CTNNA3: variants seen among roughly 807,000 people sequenced by gnomAD.
The protein encoded by CTNNA3 is catenin alpha-3.
In CTNNA3, 76 loss-of-function variants were observed where a neutral mutation model predicts 95.7. That is an observed-to-expected ratio of 0.79 (90% CI 0.66 to 0.96). The LOEUF is 0.96. Among genes scored for constraint, CTNNA3 ranks in the 40% least tolerant of loss-of-function variants. The pLI, the probability that CTNNA3 is intolerant of heterozygous loss-of-function variation, is 0.00. For synonymous variants in CTNNA3, 431 were observed against 374.4 expected, an observed-to-expected ratio of 1.15 and a Z score of -1.74; for missense variants, 1,191 against 1,089.8, an observed-to-expected ratio of 1.09 and a Z score of -1.31.
At chr10:66,474,600 T>C (rs1456545134) in intron 11 of CTNNA3, among the ~76,000 whole-genome samples, 1 of 152,076 alleles carries the variant, frequency 6.6e-6, no homozygotes, top group Non-Finnish European at 1.5e-5. Flanking sequence ...GCTGTATTTC[T>C]AATTTTTTGA....
chr10:67,685,251 C>T (rs934552293), intron 1 of CTNNA3, among the ~76,000 whole-genome samples: 13 of 152,104 alleles, frequency 8.5e-5, no homozygotes, highest in African/African-American at 1.2e-4. Flanking sequence ...TATTAATAAA[C>T]CCTCGTTCAG....
At chr10:67,675,724 A>C (rs1840522626) in intron 1 of CTNNA3, among the ~76,000 whole-genome samples, 1 of 152,172 alleles carries the variant, frequency 6.6e-6, no homozygotes, top group African/African-American at 2.4e-5. Flanking sequence ...ACACATGGCA[A>C]AGGGGATGGA....
In CTNNA3 at chr10:67,090,775, TC is replaced by T. The variant is rs1857585211; in HGVS notation, c.1047+89541del. Among the ~76,000 whole-genome samples the T allele has an allele frequency of 2.6e-5, 4 of 152,040 alleles. No homozygotes were observed. In the South Asian group the frequency reaches 8.3e-4, roughly 31 times the overall value. On this transcript the variant is annotated intron_variant, in intron 7 of 17. Transcript: ENST00000433211. Reference sequence around the variant, plus strand: ...ACAGACGCAACAAATGCCCACAGCTTCTTCAGGTGGCTAGGCAGAGTAACAG... The same window carrying T: ...ACAGACGCAACAAATGCCCACAGCTTTTCAGGTGGCTAGGCAGAGTAACAG...
intron 3 of CTNNA3, among the ~76,000 whole-genome samples, chr10:67,599,280 C>A (rs1843011121): frequency 6.6e-6 from 1 of 152,144 alleles, no homozygotes; most frequent in Non-Finnish European, 1.5e-5. Context: ...TTTCTTTTTC[C>A]ATCTCTACCA....
At chr10:66,676,038 A>G (rs182872219) in intron 9 of CTNNA3, among the ~76,000 whole-genome samples, 1 of 152,250 alleles carries the variant, frequency 6.6e-6, no homozygotes, top group Non-Finnish European at 1.5e-5. Flanking sequence ...AAGCTTTTGT[A>G]CAACGGAGGA....
At chr10:65,925,446 C>CT (rs1012082204) in intron 17 of CTNNA3, among the ~76,000 whole-genome samples, 8 of 151,748 alleles carry the variant, frequency 5.3e-5, no homozygotes, top group Non-Finnish European at 1.2e-4. Flanking sequence ...TATATCTTTT[C>CT]TTTTTTTTGA....
chr10:67,390,727 C>G (rs910688238), intron 5 of CTNNA3, among the ~76,000 whole-genome samples: 3 of 149,708 alleles, frequency 2.0e-5, no homozygotes, highest in African/African-American at 7.4e-5. Context: ...GGGCTTCATC[C>G]CTGGGATGCA....
At chr10:66,852,511 G>C (rs534593516) in intron 7 of CTNNA3, among the ~76,000 whole-genome samples, 3 of 152,218 alleles carry the variant, frequency 2.0e-5, no homozygotes, top group Admixed American at 2.0e-4. Flanking sequence ...ACAAAAATTT[G>C]AATATTCTCA....
At chr10:67,366,498 A>G (rs1431224261) in intron 5 of CTNNA3, among the ~76,000 whole-genome samples, 1 of 152,122 alleles carries the variant, frequency 6.6e-6, no homozygotes, top group East Asian at 1.9e-4. Flanking sequence ...AAAATCAGCC[A>G]GGAGTGGTGG....
intron 5 of CTNNA3, among the ~76,000 whole-genome samples, chr10:67,292,423 G>A (rs533354598): frequency 1.3e-4 from 20 of 152,090 alleles, no homozygotes; most frequent in Non-Finnish European, 2.6e-4. Context: ...TCCCAACAAA[G>A]TAAAGTGGGA....
chr10:67,713,720 G>T (rs1841126022), intron 1 of CTNNA3, among the ~76,000 whole-genome samples: 1 of 152,186 alleles, frequency 6.6e-6, no homozygotes, highest in Non-Finnish European at 1.5e-5. Context: ...TCACTCATAA[G>T]TGGGAGTTGA....
rs201899947 is a variant in CTNNA3 at position 67,224,924 on chromosome 10, T to TG, written c.580-5055dup. On this transcript the variant is annotated intron_variant, in intron 5 of 17. Transcript: ENST00000433211. The stretch of plus-strand genomic sequence containing the variant: ...AATCCAGCATGCAGACTCCACAGCG[T>TG]GGGGGAAGAACCAGGCCGTTTTCAT... 7.0e-3 allele frequency among the ~76,000 whole-genome samples: 1,071 copies of TG among 152,180 alleles called. 10 individuals are homozygous for TG. The highest frequency in any genetic ancestry group is 0.025 in the African/African-American group (1,019 of 41,530).
intron 7 of CTNNA3, among the ~76,000 whole-genome samples, chr10:66,943,029 C>T (rs1464609787): frequency 6.6e-6 from 1 of 152,114 alleles, no homozygotes; most frequent in Admixed American, 6.6e-5. Flanking sequence ...CAAGGGATAT[C>T]AGAAATTTGG....
chr10:67,143,520 C>T (rs1227086006), intron 7 of CTNNA3, among the ~76,000 whole-genome samples: 2 of 150,968 alleles, frequency 1.3e-5, no homozygotes, highest in African/African-American at 4.9e-5. Context: ...TGTAGTCAAT[C>T]CTCTCAAACC....
intron 12 of CTNNA3, among the ~76,000 whole-genome samples, chr10:66,360,485 G>T (rs2092645591): frequency 6.6e-6 from 1 of 152,118 alleles, no homozygotes; most frequent in African/African-American, 2.4e-5. Context: ...ATTTTCCAAA[G>T]TCAATGTAGA....
chr10:66,336,122 C>T (rs907898243), intron 12 of CTNNA3, among the ~76,000 whole-genome samples: 6 of 152,156 alleles, frequency 3.9e-5, no homozygotes, highest in South Asian at 4.1e-4. Context: ...TTCCAGGTGC[C>T]GTCTGTCACC....
intron 15 of CTNNA3, among the ~76,000 whole-genome samples, chr10:66,047,331 A>G (rs1157832334): frequency 6.6e-6 from 1 of 152,230 alleles, no homozygotes; most frequent in Non-Finnish European, 1.5e-5. Flanking sequence ...CAACACACAC[A>G]AATCAATAAA....
At chr10:67,027,719 G>A (rs1334711766) in intron 7 of CTNNA3, among the ~76,000 whole-genome samples, 4 of 152,172 alleles carry the variant, frequency 2.6e-5, no homozygotes, top group East Asian at 1.9e-4. Flanking sequence ...ATGAGCCACC[G>A]TGCCCGGCTG....
intron 4 of CTNNA3, among the ~76,000 whole-genome samples, chr10:67,532,374 A>C (rs1303884752): frequency 6.6e-6 from 1 of 152,206 alleles, no homozygotes; most frequent in Non-Finnish European, 1.5e-5. Context: ...TCAGCTGCCA[A>C]CATGGTAATG....
Sources: gnomAD v4.1 joint callset for allele counts (sites outside exome capture counted in the v4.1 genomes callset) on GRCh38, gnomAD v4.1.1 for gene constraint, MANE v1.5 for transcripts, NCBI Gene and HGNC (gene_info 2026-07-23, HGNC 2026-07-21) for gene names.